FBXO31: variants seen among roughly 807,000 people sequenced by gnomAD.
FBXO31 encodes F-box only protein 31.
A neutral mutation model predicts 54.4 loss-of-function variants in FBXO31; 24 were observed. That is an observed-to-expected ratio of 0.44 (90% CI 0.32 to 0.62). The LOEUF (loss-of-function observed/expected upper bound fraction) is 0.62, where lower values mean the gene tolerates loss of function less well. Among genes scored for constraint, FBXO31 ranks in the 20% least tolerant of loss-of-function variants. The probability of loss-of-function intolerance (pLI) is 0.05; values close to 1 mark genes in which losing one functional copy is unlikely to be tolerated. For synonymous variants in FBXO31, 388 were observed against 335.6 expected (o/e 1.16, Z -1.71); for missense variants, 665 against 787.1 (o/e 0.84, Z 1.86).
chr16:87,352,464 T>C (rs536073152), intron 2 of FBXO31, among the ~76,000 whole-genome samples: 1 of 151,554 alleles, frequency 6.6e-6, no homozygotes, highest in Admixed American at 6.6e-5. Context: ...AAAAAAAAAA[T>C]TGTTAATATC....
intron 4 of FBXO31, among the ~76,000 whole-genome samples, 160 bp from the exon 5 acceptor site, chr16:87,343,111 C>T (rs1475592330): frequency 6.6e-6 from 1 of 152,234 alleles, no homozygotes; most frequent in East Asian, 1.9e-4. Flanking sequence ...GCGGAGGGAG[C>T]TGAGTCTCCC....
At chr16:87,367,885 A>C (rs1308791135) in intron 1 of FBXO31, 1 of 152,176 alleles carries the variant, frequency 6.6e-6, no homozygotes, top group African/African-American at 2.4e-5. Flanking sequence ...CTTTGCTCAG[A>C]TTGCTGAAGG....
upstream of FBXO31, among the ~76,000 whole-genome samples, chr16:87,390,809 C>G (rs1451784933): frequency 1.3e-5 from 2 of 151,812 alleles, no homozygotes; most frequent in Non-Finnish European, 2.9e-5. Context: ...GTTGCCCAGT[C>G]AGGTCTCAAA....
At position 87,346,070 on chromosome 16, in the gene FBXO31, G is replaced by A. The variant is rs910058476; in HGVS notation, c.489+1104C>T. ...GAAGCGTGACTCACAAAGCCAGGAA[G>A]AGAAAAGGAGGAATCAGGGCCTGGG... is the stretch of plus-strand genomic sequence containing the variant. On this transcript the variant is annotated intron_variant, in intron 3 of 8. Coordinates refer to ENST00000311635, the MANE Select transcript of FBXO31 (RefSeq NM_024735.5). The surrounding 1 kb of genome is among the most constrained non-coding windows in gnomAD (Gnocchi z 4.2). 2.0e-5 allele frequency among the ~76,000 whole-genome samples: 3 copies of A among 152,220 alleles called. No individual in the cohort carries two copies. The highest frequency in any genetic ancestry group is 7.2e-5 in the African/African-American group (3 of 41,456).
At chr16:87,333,350 C>A (rs1330184917) in intron 8 of FBXO31, among the ~76,000 whole-genome samples, 3 of 152,202 alleles carry the variant, frequency 2.0e-5, no homozygotes, top group Non-Finnish European at 2.9e-5. Flanking sequence ...CAGAGGCAGG[C>A]AGGCACAGAG....
At chr16:87,343,553 G>A in intron 4 of FBXO31, 45 bp downstream of exon 4, 2 of 1,556,658 alleles carry the variant, frequency 1.3e-6, no homozygotes, top group Non-Finnish European at 1.7e-6. Flanking sequence ...GCCCACACAG[G>A]ACAGCCCTGG....
In FBXO31 at chr16:87,381,123, G is replaced by T. The variant is rs376725053; in HGVS notation, c.340+2282C>A. Among the ~76,000 whole-genome samples the T allele has an allele frequency of 5.3e-5, 8 of 152,266 alleles. No homozygotes were observed. The East Asian group carries it at 1.3e-3, about 26-fold the overall frequency. On this transcript the variant is annotated intron_variant, in intron 1 of 8. Transcript: ENST00000311635. Reference sequence around the variant, plus strand: ...AGAGCAAATGGGTAGACTTCACAGGGAAAGAGAAAGTGGAACTGCCTTTGT... The same window carrying T: ...AGAGCAAATGGGTAGACTTCACAGGTAAAGAGAAAGTGGAACTGCCTTTGT...
intron 1 of FBXO31, among the ~76,000 whole-genome samples, chr16:87,362,299 G>C (rs1057222073): frequency 5.3e-5 from 8 of 151,774 alleles, no homozygotes; most frequent in African/African-American, 1.9e-4. Flanking sequence ...AGTCATTACT[G>C]AGTTATCTTT....
At chr16:87,339,121 G>A (rs1396652957) in intron 5 of FBXO31, among the ~76,000 whole-genome samples, 1 of 152,166 alleles carries the variant, frequency 6.6e-6, no homozygotes, top group Non-Finnish European at 1.5e-5. Flanking sequence ...CCAGTCTTGG[G>A]TATGTCTTTA....
intron 2 of FBXO31, among the ~76,000 whole-genome samples, chr16:87,347,655 G>C (rs373960911): frequency 1.3e-5 from 2 of 148,624 alleles, no homozygotes; most frequent in South Asian, 2.2e-4. Context: ...ACTCCAGCCC[G>C]GGCGACAGAG....
chr16:87,378,926 C>T (rs1952092565), intron 1 of FBXO31, among the ~76,000 whole-genome samples: 1 of 147,886 alleles, frequency 6.8e-6, no homozygotes, highest in Non-Finnish European at 1.5e-5. Context: ...GGCGCCACTG[C>T]ACTCCAGCCA....
intron 1 of FBXO31, among the ~76,000 whole-genome samples, chr16:87,365,713 C>T (rs1191693786): frequency 2.0e-5 from 3 of 152,190 alleles, no homozygotes; most frequent in African/African-American, 7.2e-5. Context: ...TCTTAGTTGA[C>T]AATGTATGAA....
At chr16:87,388,079 ACAGGCAAAC>A (rs1907387213), upstream of FBXO31, among the ~76,000 whole-genome samples, 1 of 152,226 alleles carries the variant, frequency 6.6e-6, no homozygotes, top group Admixed American at 6.5e-5. Context: ...AATTAAACAA[ACAGGCAAAC>A]AAAAACATGG....
Position 87,383,708 on chromosome 16 carries a change from A to G in FBXO31, c.37T>C (p.Ser13Pro). The G allele has an allele frequency of 7.9e-7, 1 of 1,261,958 alleles. No individual in the cohort carries two copies. Among genetic ancestry groups the G allele is most frequent in the Non-Finnish European group, 9.9e-7 (1 of 1,010,340 alleles). The allele number at this position is 1,261,958 out of a possible 1,614,324, so 78.2% of individuals were successfully genotyped here. ...VCARLCGVGP[S>P]RGCRRRQQRR... is the part of the protein sequence containing the mutation. ...TGCTGGCGGCGCCGACATCCGCGCG[A>G]CGGGCCCACGCCGCAAAGGCGAGCA... Residue 13 changes from serine (S) to proline (P), a missense_variant, in exon 1 of 9, where the codon TCG (serine) becomes CCG (proline). Coordinates refer to ENST00000311635, the MANE Select transcript of FBXO31 (RefSeq NM_024735.5). This position sits in a 1 kb window ranked among gnomAD's most constrained non-coding sequence, Gnocchi z 4.9.
At chr16:87,385,562 T>C (rs181884814), upstream of FBXO31, among the ~76,000 whole-genome samples, 353 of 152,224 alleles carry the variant, frequency 2.3e-3, 2 homozygotes, top group African/African-American at 8.1e-3. Flanking sequence ...TTATAAATTG[T>C]AATGCTCTAA....
chr16:87,354,597 T>G (rs1905812836), intron 2 of FBXO31, among the ~76,000 whole-genome samples: 1 of 152,022 alleles, frequency 6.6e-6, no homozygotes, highest in Admixed American at 6.6e-5. Flanking sequence ...ATGCGTATTA[T>G]CCAGAGTGCC....
In FBXO31 at chr16:87,335,174, G is replaced by A. The variant is rs1415236895; in HGVS notation, c.996+130C>T. ...GAATCTGCTTTCCCAAGCTCCCGGG[G>A]CTGCAGGTGCAAGCCCACTCTGAGG... On this transcript the variant is annotated intron_variant, in intron 7 of 8. Coordinates refer to ENST00000311635, the MANE Select transcript of FBXO31 (RefSeq NM_024735.5). This position sits in a 1 kb window ranked among gnomAD's most constrained non-coding sequence, Gnocchi z 5.7. The A allele has an allele frequency of 6.1e-6, 8 of 1,316,146 alleles. No individual in the cohort carries two copies. The highest frequency in any genetic ancestry group is 1.8e-5 in the Admixed American group (1 of 55,926). 81.5% of individuals were successfully genotyped at this position (1,316,146 alleles called of 1,614,324 possible).
Position 87,335,337 on chromosome 16 carries a change from G to A in FBXO31, c.963C>T (p.Phe321=). 6 of 1,613,998 alleles carry A rather than the reference G, an allele frequency of 3.7e-6. No individual in the cohort carries two copies. The highest frequency in any genetic ancestry group is 5.1e-6 in the Non-Finnish European group (6 of 1,180,006). ...TGGTGCCCCTGGCACGCCGGCCGTG[G>A]AAGCTGAGCATCACAATCTCCAGGC... ...SHGLEIVMLS[F]HGRRARGTKI... is the part of the protein sequence containing the mutation. Residue 321 remains phenylalanine, a synonymous_variant, in exon 7 of 9, where the codon TTC becomes TTT. Transcript: ENST00000311635. This position sits in a 1 kb window ranked among gnomAD's most constrained non-coding sequence, Gnocchi z 5.7.
At chr16:87,342,779 G>T in intron 5 of FBXO31, 98 bp downstream of exon 5, 1 of 981,296 alleles carries the variant, frequency 1.0e-6, no homozygotes, top group Non-Finnish European at 1.5e-6. Flanking sequence ...CATGCAGGTC[G>T]CATGCTGCTG....
Sources: gnomAD v4.1 joint callset for allele counts (sites outside exome capture counted in the v4.1 genomes callset) on GRCh38, gnomAD v4.1.1 for gene constraint, Gnocchi (gnomAD v3.1) non-coding constraint, MANE v1.5 for transcripts, NCBI Gene and HGNC (gene_info 2026-07-23, HGNC 2026-07-21) for gene names.